APBA2: variants seen among roughly 807,000 people sequenced by gnomAD.
APBA2 encodes amyloid beta precursor protein binding family A member 2.
Under a neutral mutation model 75.0 loss-of-function variants are expected in APBA2, and 30 were observed. The observed-to-expected ratio is 0.40, with a 90% CI of 0.30 to 0.54. The LOEUF (loss-of-function observed/expected upper bound fraction) is 0.54. Ranked by LOEUF, APBA2 falls within the 20% of genes least tolerant of loss-of-function variation. The pLI, the probability that APBA2 is intolerant of heterozygous loss-of-function variation, is 0.49. For missense variants in APBA2, 801 were observed against 1,016.1 expected (o/e 0.79, Z 2.88); for synonymous variants, 444 against 409.6 (o/e 1.08, Z -1.01).
intron 3 of APBA2, among the ~76,000 whole-genome samples, chr15:29,047,304 A>T (rs539382586): frequency 2.0e-5 from 3 of 152,198 alleles, no homozygotes; most frequent in Non-Finnish European, 2.9e-5. Flanking sequence ...GAGCTGGATC[A>T]GAATGTCTGT....
In APBA2 at chr15:28,952,316, G is replaced by A. The variant is rs574654584; in HGVS notation, c.-95+30567G>A. ...AGCCTGAGGCAGGAGGATTGCTTGA[G>A]CCCAGGAGTTCAAGAACAGTCTGGG... On this transcript the variant is annotated intron_variant, in intron 2 of 14. Transcript: ENST00000683413. 1.1e-3 allele frequency among the ~76,000 whole-genome samples: 173 copies of A among 152,176 alleles called. 1 individual carries two copies. The highest frequency in any genetic ancestry group is 1.6e-3 in the Admixed American group (25 of 15,292).
chr15:28,926,037 A>G (rs1291452396), intron 2 of APBA2, among the ~76,000 whole-genome samples: 1 of 152,122 alleles, frequency 6.6e-6, no homozygotes, highest in Non-Finnish European at 1.5e-5. Flanking sequence ...ACCTTTCTCT[A>G]TCCCTTTACT....
intron 1 of APBA2, among the ~76,000 whole-genome samples, chr15:28,910,591 G>A (rs1566791033): frequency 1.3e-5 from 2 of 152,174 alleles, no homozygotes; most frequent in Admixed American, 6.5e-5. Context: ...GGGCTGTGCC[G>A]AAAGTCTCTG....
chr15:29,092,704 C>A (rs2152951422), intron 6 of APBA2, among the ~76,000 whole-genome samples: 1 of 152,232 alleles, frequency 6.6e-6, no homozygotes, highest in African/African-American at 2.4e-5. Context: ...TTCAGGTCAC[C>A]AGCATGAGTT....
intron 3 of APBA2, among the ~76,000 whole-genome samples, chr15:29,032,106 G>T (rs2040518549): frequency 6.6e-6 from 1 of 152,252 alleles, no homozygotes. Context: ...AAGGGACTTT[G>T]TCTTTTTTGC....
At chr15:29,010,148 AAT>A (rs1187584000) in intron 3 of APBA2, among the ~76,000 whole-genome samples, 6 of 152,142 alleles carry the variant, frequency 3.9e-5, no homozygotes, top group African/African-American at 1.4e-4. Context: ...AAGACTGTTG[AAT>A]ATCTCTTTCG....
At chr15:28,993,331 G>T (rs184078238) in intron 2 of APBA2, among the ~76,000 whole-genome samples, 26 of 152,342 alleles carry the variant, frequency 1.7e-4, no homozygotes, top group African/African-American at 6.3e-4. Flanking sequence ...AGAGGGCAAG[G>T]ACAGGACACT....
chr15:29,105,367 C>A lies in APBA2; in HGVS notation c.1525-12C>A. ...CACGTGCCTGTCTCCAGCTGGCCTG[C>A]CCTCTGCACAGGCCCAGCTCATCGC... On this transcript the variant is annotated splice_polypyrimidine_tract_variant and intron_variant, in intron 10 of 14. Coordinates refer to ENST00000683413, the MANE Select transcript of APBA2 (RefSeq NM_001353788.2). 6.2e-7 allele frequency: 1 copy of A among 1,608,616 alleles called. No homozygotes were observed. Among genetic ancestry groups the A allele is most frequent in the East Asian group, 2.2e-5 (1 of 44,812 alleles).
chr15:28,899,657 C>A (rs1302318244), intron 1 of APBA2, among the ~76,000 whole-genome samples: 2 of 152,276 alleles, frequency 1.3e-5, no homozygotes, highest in East Asian at 3.9e-4. Flanking sequence ...CACTGGGAGA[C>A]CTTGGACTGG....
chr15:28,896,783 A>G (rs2032519448), intron 1 of APBA2, among the ~76,000 whole-genome samples: 1 of 152,234 alleles, frequency 6.6e-6, no homozygotes, highest in African/African-American at 2.4e-5. Context: ...AGAAATCCAA[A>G]TAGAGTTTAC....
At chr15:28,910,947 T>C (rs1566791320) in intron 1 of APBA2, among the ~76,000 whole-genome samples, 1 of 152,168 alleles carries the variant, frequency 6.6e-6, no homozygotes, top group Non-Finnish European at 1.5e-5. Context: ...TTTCATACGG[T>C]GTTATTCTTT....
chr15:28,897,748 G>C (rs1472726614), intron 1 of APBA2, among the ~76,000 whole-genome samples: 1 of 151,842 alleles, frequency 6.6e-6, no homozygotes. Flanking sequence ...CTTTTTTGTA[G>C]AATTAACTAA....
At chr15:29,086,260 T>C (rs2043287014) in intron 6 of APBA2, among the ~76,000 whole-genome samples, 1 of 152,190 alleles carries the variant, frequency 6.6e-6, no homozygotes, top group African/African-American at 2.4e-5. Context: ...TTCAGATGGC[T>C]GCAGCATCAC....
At chr15:29,081,613 C>G (rs58838330) in intron 6 of APBA2, among the ~76,000 whole-genome samples, 1,987 of 152,290 alleles carry the variant, frequency 0.013, 35 homozygotes, top group African/African-American at 0.045. Context: ...TGAATTTCTC[C>G]AGGAATTTCT....
intron 14 of APBA2, among the ~76,000 whole-genome samples, chr15:29,115,499 C>T (rs370159505): frequency 6.6e-6 from 1 of 152,088 alleles, no homozygotes; most frequent in African/African-American, 2.4e-5. Flanking sequence ...GAAGCGGCCG[C>T]CCCCACGGCC....
intron 3 of APBA2, chr15:29,044,255 C>T (rs2041193983): frequency 6.6e-6 from 1 of 152,180 alleles, no homozygotes; most frequent in Admixed American, 6.5e-5. Context: ...AGAATAAGGA[C>T]ACTGGAGCTC....
At chr15:29,098,661 A>T in intron 9 of APBA2, 85 bp downstream of exon 9, 1 of 1,124,252 alleles carries the variant, frequency 8.9e-7, no homozygotes. Flanking sequence ...CCTCGTTCTC[A>T]GCAGCTTCTC....
chr15:28,937,918 A>C (rs1346079418), intron 2 of APBA2, among the ~76,000 whole-genome samples: 2 of 152,098 alleles, frequency 1.3e-5, no homozygotes, highest in Admixed American at 1.3e-4. Flanking sequence ...CGGCCTCCCA[A>C]AGTGCTGGGA....
chr15:29,114,664 AGT>A (rs1325883499), intron 14 of APBA2, among the ~76,000 whole-genome samples: 4 of 146,728 alleles, frequency 2.7e-5, no homozygotes, highest in South Asian at 2.2e-4. Flanking sequence ...GTGATGTATG[AGT>A]GTGGGTAAGT....
Sources: allele counts gnomAD v4.1 joint callset (sites outside exome capture counted in the v4.1 genomes callset), GRCh38; gene constraint gnomAD v4.1.1; transcripts MANE v1.5; gene names NCBI Gene and HGNC (gene_info 2026-07-23, HGNC 2026-07-21).